The following AFG3L2 variants were observed in gnomAD, a reference collection of about 807,000 sequenced individuals.
AFG3L2 encodes AFG3 like matrix AAA peptidase subunit 2.
Under a neutral mutation model 94.5 loss-of-function variants are expected in AFG3L2, and 54 were observed. The ratio of observed to expected loss-of-function variants is 0.57; its 90% CI spans 0.46 to 0.72. The LOEUF is 0.72. Ranked by LOEUF, AFG3L2 falls within the 30% of genes least tolerant of loss-of-function variation. The pLI is 0.00. For synonymous variants in AFG3L2, 377 were observed against 365.5 expected, an observed-to-expected ratio of 1.03 and a Z score of -0.36; for missense variants, 754 against 994.9, an observed-to-expected ratio of 0.76 and a Z score of 3.26.
intron 16 of AFG3L2, among the ~76,000 whole-genome samples, chr18:12,334,227 C>A (rs1907673186): frequency 6.6e-6 from 1 of 152,212 alleles, no homozygotes; most frequent in Non-Finnish European, 1.5e-5. Context: ...CTCTGATGGA[C>A]CAGAAAGTAC....
At chr18:12,352,068 A>G (rs190131743) in intron 10 of AFG3L2, among the ~76,000 whole-genome samples, 271 of 152,332 alleles carry the variant, frequency 1.8e-3, no homozygotes, top group Non-Finnish European at 3.3e-3. Flanking sequence ...ACCCTGGGCC[A>G]CAGGACAACC....
chr18:12,333,364 ATT>A (rs1217951958), intron 16 of AFG3L2, among the ~76,000 whole-genome samples: 11 of 130,208 alleles, frequency 8.4e-5, no homozygotes, highest in African/African-American at 2.6e-4. Flanking sequence ...ATATATATAT[ATT>A]TTTTCCCCCT....
chr18:12,368,672 C>T (rs1908883235), intron 3 of AFG3L2, among the ~76,000 whole-genome samples: 2 of 152,144 alleles, frequency 1.3e-5, no homozygotes, highest in South Asian at 4.1e-4. Flanking sequence ...GTGATCTCAG[C>T]TCACTGCAAC....
At chr18:12,343,816 A>G in intron 14 of AFG3L2, 1 of 436,822 alleles carries the variant, frequency 2.3e-6, no homozygotes, top group Non-Finnish European at 4.2e-6. Flanking sequence ...TAGTGTGGAG[A>G]TTATGAAAAA....
intron 9 of AFG3L2, among the ~76,000 whole-genome samples, chr18:12,354,724 G>A (rs571212076): frequency 5.5e-4 from 83 of 151,966 alleles, no homozygotes; most frequent in African/African-American, 1.9e-3. Context: ...GGTATCTCAC[G>A]CCAACTCTTT....
At chr18:12,370,624 A>AT (rs1318447328) in intron 3 of AFG3L2, among the ~76,000 whole-genome samples, 3 of 151,826 alleles carry the variant, frequency 2.0e-5, no homozygotes, top group Non-Finnish European at 4.4e-5. Context: ...TGTCTAACTA[A>AT]TTTTTTGTAT....
At chr18:12,362,693 A>G (rs1310628464) in intron 6 of AFG3L2, among the ~76,000 whole-genome samples, 1 of 144,218 alleles carries the variant, frequency 6.9e-6, no homozygotes, top group Non-Finnish European at 1.5e-5. Context: ...GAAACAGAAC[A>G]GGGAACAAGG....
chr18:12,345,062 G>A (rs1251558396), intron 13 of AFG3L2, among the ~76,000 whole-genome samples: 2 of 152,224 alleles, frequency 1.3e-5, no homozygotes, highest in Non-Finnish European at 2.9e-5. Context: ...GAGAGTCTGA[G>A]AAAGCAGGCA....
At chr18:12,346,194 T>C (rs915394522) in intron 13 of AFG3L2, among the ~76,000 whole-genome samples, 5 of 152,190 alleles carry the variant, frequency 3.3e-5, no homozygotes, top group Non-Finnish European at 7.4e-5. Context: ...TGGTACACCA[T>C]GAGCACGGGT....
At position 12,377,163 on chromosome 18, in the gene AFG3L2, C is replaced by G; in HGVS notation, c.-81G>C. ...GACTGGCGGCCTCGGGAAGCGGGCT[C>G]GGCTCGGGGAAAGGCCGCCAGGCAG... is the stretch of plus-strand genomic sequence containing the variant. On this transcript the variant is annotated 5_prime_UTR_variant, in exon 1 of 17. Coordinates refer to ENST00000269143, the MANE Select transcript of AFG3L2 (RefSeq NM_006796.3). 8.8e-7 allele frequency: 1 copy of G among 1,136,860 alleles called. No individual in the cohort carries two copies. Among genetic ancestry groups the G allele is most frequent in the Non-Finnish European group, 1.2e-6 (1 of 837,606 alleles). 70.4% of individuals were successfully genotyped at this position (1,136,860 alleles called of 1,614,324 possible). A position where few individuals can be genotyped will look rare whatever the true frequency, so the allele number is the denominator to read the frequency against.
At chr18:12,349,824 G>A (rs554954769) in intron 12 of AFG3L2, among the ~76,000 whole-genome samples, 2 of 151,876 alleles carry the variant, frequency 1.3e-5, no homozygotes, top group South Asian at 2.1e-4. Flanking sequence ...CACCACGCCC[G>A]GCAATTTTTG....
intron 16 of AFG3L2, chr18:12,337,122 T>C (rs1907767369): frequency 1.6e-6 from 1 of 618,062 alleles, no homozygotes; most frequent in South Asian, 1.9e-5. Context: ...GTCACATTCC[T>C]AAGAGCCACA....
chr18:12,356,408 T>C (rs1908496600), intron 9 of AFG3L2, among the ~76,000 whole-genome samples: 1 of 152,188 alleles, frequency 6.6e-6, no homozygotes, highest in Admixed American at 6.5e-5. Flanking sequence ...CACTTCAGCC[T>C]TCCAAAGTGC....
At chr18:12,360,259 T>C (rs968702288) in intron 6 of AFG3L2, 6 of 559,626 alleles carry the variant, frequency 1.1e-5, no homozygotes, top group Admixed American at 1.0e-4. Flanking sequence ...AAATAAGCAT[T>C]TCTTTAGCAG....
At chr18:12,345,261 C>A (rs984248308) in intron 13 of AFG3L2, among the ~76,000 whole-genome samples, 3 of 152,250 alleles carry the variant, frequency 2.0e-5, no homozygotes, top group African/African-American at 7.2e-5. Context: ...CAGTGCTGAC[C>A]GGACTCTAGT....
intron 15 of AFG3L2, among the ~76,000 whole-genome samples, chr18:12,339,236 CAAAAAAAAAAAAAA>C (rs539968042): frequency 9.7e-5 from 4 of 41,302 alleles, no homozygotes; most frequent in African/African-American, 2.1e-4. Flanking sequence ...GACTCTGTCT[CAAAAAAAAAAAAAA>C]AAAAAAAAAA....
chr18:12,365,871 CTT>C (rs576247423), intron 5 of AFG3L2, among the ~76,000 whole-genome samples: 6 of 113,790 alleles, frequency 5.3e-5, no homozygotes, highest in Middle Eastern at 5.2e-3. Flanking sequence ...TGCATCAATT[CTT>C]TTTTTTTTTT....
At chr18:12,351,026 G>C in intron 12 of AFG3L2, 59 bp downstream of exon 12, 1 of 1,601,888 alleles carries the variant, frequency 6.2e-7, no homozygotes, top group Non-Finnish European at 8.5e-7. Context: ...ACCGGTACCT[G>C]GTAACTGTTA....
rs567376635 is a variant in AFG3L2, at chr18:12,349,806, AC to A, written c.1552+1278del. On this transcript the variant is annotated intron_variant, in intron 12 of 16. Coordinates refer to ENST00000269143, the MANE Select transcript of AFG3L2 (RefSeq NM_006796.3). ...CCTCCCGAGTAGCTGGGATTACAGC[AC>A]CCCCACCACCACGCCCGGCAATTTT... 2.3e-3 allele frequency among the ~76,000 whole-genome samples: 350 copies of A among 150,406 alleles called. 2 individuals are homozygous for A. Among genetic ancestry groups the A allele is most frequent in the African/African-American group, 8.3e-3 (338 of 40,850 alleles).
Sources: allele counts gnomAD v4.1 joint callset (sites outside exome capture counted in the v4.1 genomes callset), GRCh38; gene constraint gnomAD v4.1.1; transcripts MANE v1.5; gene names NCBI Gene and HGNC (gene_info 2026-07-23, HGNC 2026-07-21).